Variants in GOPC observed in about 807,000 individuals in gnomAD.
GOPC encodes Golgi-associated PDZ and coiled-coil motif-containing protein.
In GOPC, 32 loss-of-function variants were observed where a neutral mutation model predicts 51.2. That is an observed-to-expected ratio of 0.63 (90% confidence interval 0.47 to 0.84). GOPC has a LOEUF of 0.84. Ranked by LOEUF, GOPC falls within the 40% of genes least tolerant of loss-of-function variation. The pLI, the probability that GOPC is intolerant of heterozygous loss-of-function variation, is 0.00. For synonymous variants in GOPC, 190 were observed against 205.1 expected (o/e 0.93, Z 0.63); for missense variants, 441 against 555.5 (o/e 0.79, Z 2.07).
chr6:117,601,033 GACA>G (rs1562150875), intron 1 of GOPC, among the ~76,000 whole-genome samples: 1 of 152,178 alleles, frequency 6.6e-6, no homozygotes. Flanking sequence ...CACTGTCAAT[GACA>G]ACGAGTAATG....
Position 117,563,010 on chromosome 6 carries a change from T to C in GOPC, c.*244A>G. On this transcript the variant is annotated 3_prime_UTR_variant, in exon 9 of 9. Coordinates refer to ENST00000368498, the MANE Select transcript of GOPC (RefSeq NM_020399.4). Reference sequence around the variant, plus strand: ...CAGTAATACCCCTTTGGGAAACACATGCTTTGGTGCTTACAAGTTCAAGAA... The same window carrying C: ...CAGTAATACCCCTTTGGGAAACACACGCTTTGGTGCTTACAAGTTCAAGAA... The C allele has an allele frequency of 4.3e-6, 2 of 461,032 alleles. No homozygotes were observed. Among genetic ancestry groups the C allele is most frequent in the East Asian group, 3.7e-5 (1 of 26,940 alleles). The allele number at this position is 461,032 out of a possible 1,614,324, so 28.6% of individuals were successfully genotyped here.
Position 117,563,367 on chromosome 6 carries a change from C to T in GOPC, c.1276G>A (p.Val426Ile), listed in dbSNP as rs775795344. 1 of 1,613,370 alleles carries T rather than the reference C, an allele frequency of 6.2e-7. No individual in the cohort carries two copies. Among genetic ancestry groups the T allele is most frequent in the Non-Finnish European group, 8.5e-7 (1 of 1,179,718 alleles). Residue 426 changes from valine to isoleucine, a missense_variant, in exon 9 of 9, where the codon GTA (valine) becomes ATA (isoleucine). Coordinates refer to ENST00000368498, the MANE Select transcript of GOPC (RefSeq NM_020399.4). Reference sequence around the variant, plus strand: ...TCTCCATTTTCATGTGTGTCAGTTACTGCCTTCTTATTAAATCCTGAAAGA... The same window carrying T: ...TCTCCATTTTCATGTGTGTCAGTTATTGCCTTCTTATTAAATCCTGAAAGA... ...KVLQGFNKKA[V>I]TDTHENGDLG...
At chr6:117,599,580 GAACA>G (rs1311774608) in intron 1 of GOPC, among the ~76,000 whole-genome samples, 3 of 152,064 alleles carry the variant, frequency 2.0e-5, no homozygotes, top group Non-Finnish European at 4.4e-5. Context: ...ACAAACAAAT[GAACA>G]AACAAACCAA....
rs139949957 is a variant in GOPC, at chr6:117,563,254, TTAA to T, written c.1386_1388del (p.Tyr462del). 2,390 of 1,612,350 alleles carry T rather than the reference TTAA, an allele frequency of 1.5e-3. 22 individuals carry two copies. In the African/African-American group the frequency reaches 0.028, roughly 19 times the overall value. On this transcript the variant is annotated inframe_deletion, in exon 9 of 9. Transcript: ENST00000368498. ...AATCTTGTCTGGAGATATGGTCAATTTAATAAGATTTTTTATGATACAGAGTGT... is the reference window on the plus strand; with the variant it reads ...AATCTTGTCTGGAGATATGGTCAATTTAAGATTTTTTATGATACAGAGTGT...
intron 1 of GOPC, among the ~76,000 whole-genome samples, chr6:117,585,870 A>C (rs1446953225): frequency 6.6e-6 from 1 of 152,230 alleles, no homozygotes. Flanking sequence ...CAGATATGCA[A>C]GCAAACAAAG....
chr6:117,573,447 C>A lies in GOPC; in HGVS notation c.816+20G>T. ...AAGAAAGAAGAGGCTGGGTGGGAAGCAGCAGCAAAGCAAACATACATGGCC... is the reference window on the plus strand; with the variant it reads ...AAGAAAGAAGAGGCTGGGTGGGAAGAAGCAGCAAAGCAAACATACATGGCC... On this transcript the variant is annotated intron_variant, in intron 5 of 8. Transcript: ENST00000368498. 6.2e-7 allele frequency: 1 copy of A among 1,602,284 alleles called. No individual in the cohort carries two copies. The highest frequency in any genetic ancestry group is 1.1e-5 in the South Asian group (1 of 88,960).
At chr6:117,577,045 G>A (rs1316861932) in intron 3 of GOPC, among the ~76,000 whole-genome samples, 1 of 151,940 alleles carries the variant, frequency 6.6e-6, no homozygotes, top group Non-Finnish European at 1.5e-5. Context: ...AGATGAAGAA[G>A]AAACCAACAT....
In GOPC at chr6:117,602,105, T is replaced by C; in HGVS notation, c.184A>G (p.Ile62Val). 3 of 1,614,130 alleles carry C rather than the reference T, an allele frequency of 1.9e-6. No homozygotes were observed. Among genetic ancestry groups the C allele is most frequent in the Non-Finnish European group, 2.5e-6 (3 of 1,180,018 alleles). Reference sequence around the variant, plus strand: ...ATCTTCTGTCGCCCCTCATAAGTGATGTCCGCTTGGTCTGGATCGATCTCT... The same window carrying C: ...ATCTTCTGTCGCCCCTCATAAGTGACGTCCGCTTGGTCTGGATCGATCTCT... Reference protein sequence around the residue: ...LGEIDPDQADITYEGRQKMTS... With the variant: ...LGEIDPDQADVTYEGRQKMTS... Residue 62 changes from isoleucine (I) to valine (V), a missense_variant, in exon 1 of 9, where the codon ATC becomes GTC. Physicochemically the swap from Ile to Val is conservative, Grantham distance 29. Around this residue, in one of 3 missense-constraint regions of GOPC, gnomAD observed 204 missense variants for 219.8 expected, o/e 0.93. Coordinates refer to ENST00000368498, the MANE Select transcript of GOPC (RefSeq NM_020399.4).
intron 8 of GOPC, among the ~76,000 whole-genome samples, chr6:117,564,733 G>C (rs932276087): frequency 2.0e-5 from 3 of 152,272 alleles, no homozygotes; most frequent in Non-Finnish European, 2.9e-5. Context: ...GAAGAGACAG[G>C]CTTTCTAATC....
chr6:117,561,630 A>G lies in GOPC; in HGVS notation c.*1624T>C, dbSNP rs977313703. ...CCTACCCTGTCAAGAGCAAACAATAACATGTAACTTGCTTATTCATTTGTA... is the reference window on the plus strand; with the variant it reads ...CCTACCCTGTCAAGAGCAAACAATAGCATGTAACTTGCTTATTCATTTGTA... On this transcript the variant is annotated 3_prime_UTR_variant, in exon 9 of 9. Transcript: ENST00000368498. 3 of 204,102 alleles carry G rather than the reference A, an allele frequency of 1.5e-5. No homozygotes were observed. The highest frequency in any genetic ancestry group is 3.0e-5 in the Non-Finnish European group (3 of 99,310). 12.6% of individuals were successfully genotyped at this position (204,102 alleles called of 1,614,324 possible). A position where few individuals can be genotyped will look rare whatever the true frequency, so the allele number is the denominator to read the frequency against.
chr6:117,589,484 A>T (rs1780083212), intron 1 of GOPC, among the ~76,000 whole-genome samples: 1 of 152,116 alleles, frequency 6.6e-6, no homozygotes, highest in Non-Finnish European at 1.5e-5. Flanking sequence ...CATTCCTGGC[A>T]AATATTTTAT....
At position 117,562,067 on chromosome 6, in the gene GOPC, G is replaced by T. The variant is rs1029780280; in HGVS notation, c.*1187C>A. On this transcript the variant is annotated 3_prime_UTR_variant, in exon 9 of 9. Transcript: ENST00000368498. ...GCTATCACCTCTTTAATGCAATGTT[G>T]TGACTTTGCCTAGCAGGTTACAATG... The T allele has an allele frequency of 4.8e-6, 1 of 206,416 alleles. No homozygotes were observed. The allele number at this position is 206,416 out of a possible 1,614,324, so 12.8% of individuals were successfully genotyped here.
intron 1 of GOPC, among the ~76,000 whole-genome samples, chr6:117,582,395 G>A (rs1051938489): frequency 1.3e-5 from 2 of 151,278 alleles, no homozygotes; most frequent in African/African-American, 4.9e-5. Flanking sequence ...AAAAGCTGAA[G>A]CCCAAAGTGA....
At position 117,561,394 on chromosome 6, in the gene GOPC, A is replaced by G. The variant is rs573169939; in HGVS notation, c.*1860T>C. 1.8e-5 allele frequency: 4 copies of G among 224,436 alleles called. No homozygotes were observed. The highest frequency in any genetic ancestry group is 1.8e-4 in the South Asian group (1 of 5,442). The allele number at this position is 224,436 out of a possible 1,614,324, so 13.9% of individuals were successfully genotyped here. On this transcript the variant is annotated 3_prime_UTR_variant, in exon 9 of 9. Transcript: ENST00000368498. ...CTGAAAAAAATGCCATGGCCATTCC[A>G]TCCCAGGCTGTGTTTTAAGAAGATA...
intron 1 of GOPC, among the ~76,000 whole-genome samples, chr6:117,601,655 G>T (rs771636902): frequency 6.6e-5 from 10 of 152,220 alleles, no homozygotes; most frequent in Non-Finnish European, 1.2e-4. Flanking sequence ...TGTGAAAGCA[G>T]ATCTGCAAAA....
In GOPC at chr6:117,578,953, G is replaced by C; in HGVS notation, c.397C>G (p.Leu133Val). ...LLQLHSIQLQ[L>V]HAKTGQSADS... ...GCACTTTGACCAGTTTTAGCATGAA[G>C]CTGCAGCTGAATAGAGTGCAGCTGT... The change falls in exon 2 of 9, where the codon CTT becomes GTT. Residue 133 changes from leucine to valine, a missense_variant. This residue lies in a region of GOPC where 204 missense variants were observed against 219.8 expected (regional missense o/e 0.93). Transcript: ENST00000368498. The C allele has an allele frequency of 6.2e-7, 1 of 1,611,202 alleles. No individual in the cohort carries two copies. The highest frequency in any genetic ancestry group is 1.3e-5 in the African/African-American group (1 of 74,898).
At chr6:117,581,907 C>T (rs922264693) in intron 1 of GOPC, among the ~76,000 whole-genome samples, 8 of 152,130 alleles carry the variant, frequency 5.3e-5, no homozygotes, top group African/African-American at 1.7e-4. Flanking sequence ...AGAGTATGTA[C>T]GTTAGACTTC....
chr6:117,568,309 C>A (rs1236068349), intron 7 of GOPC, among the ~76,000 whole-genome samples: 1 of 152,194 alleles, frequency 6.6e-6, no homozygotes, highest in Non-Finnish European at 1.5e-5. Context: ...GTGGTGTTGG[C>A]AATTCTGAAA....
chr6:117,567,777 A>T (rs979488139), intron 7 of GOPC, among the ~76,000 whole-genome samples: 2 of 152,124 alleles, frequency 1.3e-5, no homozygotes, highest in Non-Finnish European at 2.9e-5. Flanking sequence ...TCCCTACATA[A>T]TGAACAAGAA....
Sources: allele counts gnomAD v4.1 joint callset (sites outside exome capture counted in the v4.1 genomes callset), GRCh38; gene constraint gnomAD v4.1.1; regional missense constraint gnomAD v4.1.1; transcripts MANE v1.5; gene names NCBI Gene and HGNC (gene_info 2026-07-23, HGNC 2026-07-21).